The following IGSF1 variants were observed in gnomAD, a reference collection of about 807,000 sequenced individuals.
The protein encoded by IGSF1 is immunoglobulin-like domain-containing protein 1.
Under a neutral mutation model 95.3 loss-of-function variants are expected in IGSF1, and 40 were observed. That is an observed-to-expected ratio of 0.42 (90% CI 0.33 to 0.55). The LOEUF (loss-of-function observed/expected upper bound fraction) is 0.55, where lower values mean the gene tolerates loss of function less well. Among genes scored for constraint, IGSF1 ranks in the 20% least tolerant of loss-of-function variants. The pLI is 0.10. For synonymous variants in IGSF1, 372 were observed against 382.9 expected (o/e 0.97, Z 0.33); for missense variants, 906 against 1,025.4 (o/e 0.88, Z 1.59).
Position 131,273,659 on chromosome X carries a change from G to A in IGSF1, c.*137C>T, listed in dbSNP as rs1461643764. 4.9e-6 allele frequency: 3 copies of A among 613,629 alleles called. No homozygotes were observed. Among genetic ancestry groups the A allele is most frequent in the Non-Finnish European group, 7.6e-6 (3 of 392,375 alleles). The allele number at this position is 613,629 out of a possible 1,213,427, so 50.6% of individuals were successfully genotyped here. A position where few individuals can be genotyped will look rare whatever the true frequency, so the allele number is the denominator to read the frequency against. On this transcript the variant is annotated 3_prime_UTR_variant, in exon 20 of 20. Transcript: ENST00000361420. ...ACCCTGGCAGAGCTCTCAACTCCCA[G>A]AATCCCCTTTACCCAGCTCAGGTGA...
intron 12 of IGSF1, 26 bp from the exon 13 acceptor site, chrX:131,278,160 G>A (rs1569402905): frequency 8.4e-7 from 1 of 1,187,972 alleles, no homozygotes; most frequent in African/African-American, 1.8e-5. Flanking sequence ...GGGTGAAAAA[G>A]GAGTCAGAAG....
Position 131,281,941 on chromosome X carries a change from T to C in IGSF1, c.1250A>G (p.Lys417Arg). 2 of 1,201,690 alleles carry C rather than the reference T, an allele frequency of 1.7e-6. No individual in the cohort carries two copies. The highest frequency in any genetic ancestry group is 2.2e-6 in the Non-Finnish European group (2 of 889,026). The change falls in exon 8 of 20, where the codon AAG (lysine) becomes AGG (arginine). Residue 417 changes from lysine to arginine, a missense_variant. Transcript: ENST00000361420. ...HNTVELMVVDKPPKPSLSAWP... is the reference protein window; with the variant it reads ...HNTVELMVVDRPPKPSLSAWP... ...AGCTGACAGGGAGGGTTTGGGGGGC[T>C]TATCTGAAACCAATCCAGAGACCAG...
rs1294812060 is a variant in IGSF1 at position 131,278,578 on chromosome X, G to A, written c.1924C>T (p.Arg642Trp). Residue 642 changes from arginine (R) to tryptophan (W), a missense_variant, in exon 12 of 20, where the codon CGG becomes TGG. Arg to Trp is a moderately radical substitution (Grantham distance 101, BLOSUM62 -3). Transcript: ENST00000361420. ...AGGGCGCCAAGGGGGAAGGCAGCCC[G>A]GACCTGCTCTGAGGCCGGGCGAGTG... Reference protein sequence around the residue: ...IATRPASEQVRAAFPLGALTQ... With the variant: ...IATRPASEQVWAAFPLGALTQ... The A allele has an allele frequency of 1.8e-5, 22 of 1,209,609 alleles. No individual in the cohort carries two copies. In the South Asian group the frequency reaches 3.2e-4, roughly 17 times the overall value.
chrX:131,287,414 C>G (rs1210828182), intron 1 of IGSF1, among the ~76,000 whole-genome samples: 1 of 110,492 alleles, frequency 9.1e-6, no homozygotes, highest in African/African-American at 3.3e-5. Context: ...CCTCTTCACC[C>G]TCCCTTACCC....
At position 131,279,352 on chromosome X, in the gene IGSF1, CAGAAA is replaced by C. The variant is rs1200424325; in HGVS notation, c.1647-16_1647-12del. Reference sequence around the variant, plus strand: ...AGCAACCAGGCTTCTCTAGTGAGACCAGAAAAGAGATGAGAGGAGTTGCTGGGATG... The same window carrying C: ...AGCAACCAGGCTTCTCTAGTGAGACCAGAGATGAGAGGAGTTGCTGGGATG... On this transcript the variant is annotated splice_polypyrimidine_tract_variant and intron_variant, in intron 9 of 19. Coordinates refer to ENST00000361420, the MANE Select transcript of IGSF1 (RefSeq NM_001555.5). 1.7e-6 allele frequency: 2 copies of C among 1,198,411 alleles called. No individual in the cohort carries two copies.
rs773168536 is a variant in IGSF1 at position 131,283,040 on chromosome X, A to G, written c.892T>C (p.Tyr298His). ...GAACCTCTATATGATGCGTCATAGT[A>G]AAAACAGAGGTAATGTCCAGTATCT... The part of the protein sequence containing the change: ...IQDTGHYLCF[Y>H]YDASYRGSLL... The change falls in exon 6 of 20, where the codon TAC becomes CAC. Residue 298 changes from tyrosine to histidine, a missense_variant. This residue lies in a region of IGSF1 where 442 missense variants were observed against 448.1 expected (regional missense o/e 0.99). Coordinates refer to ENST00000361420, the MANE Select transcript of IGSF1 (RefSeq NM_001555.5). 1 of 1,205,002 alleles carries G rather than the reference A, an allele frequency of 8.3e-7. No homozygotes were observed. The highest frequency in any genetic ancestry group is 1.7e-5 in the African/African-American group (1 of 57,314).
At chrX:131,282,279 T>A (rs970804205) in intron 7 of IGSF1, among the ~76,000 whole-genome samples, 165 bp downstream of exon 7, 2 of 108,253 alleles carry the variant, frequency 1.8e-5, no homozygotes, top group African/African-American at 6.8e-5. Context: ...CCTAAAGTTT[T>A]GGAAGAAAGT....
At chrX:131,275,936 A>C in intron 15 of IGSF1, 25 bp downstream of exon 15, 1 of 1,200,799 alleles carries the variant, frequency 8.3e-7, no homozygotes, top group African/African-American at 1.7e-5. Flanking sequence ...TCTCCATCCC[A>C]GTCCCATGTC....
intron 18 of IGSF1, 93 bp downstream of exon 18, chrX:131,274,506 C>T: frequency 1.0e-6 from 1 of 963,351 alleles, no homozygotes; most frequent in Non-Finnish European, 1.4e-6. Flanking sequence ...CTCCAAAGCT[C>T]CTCCATTCTC....
intron 18 of IGSF1, 30 bp from the exon 19 acceptor site, chrX:131,274,236 C>T (rs754958902): frequency 1.2e-4 from 139 of 1,206,890 alleles, no homozygotes; most frequent in Middle Eastern, 4.6e-4. Context: ...GAAACCGAGG[C>T]CATGGAGATT....
In IGSF1 at chrX:131,281,705, A is replaced by C. The variant is rs1438315337; in HGVS notation, c.1486T>G (p.Ser496Ala). The change falls in exon 8 of 20, where the codon TCA (serine) becomes GCA (alanine). Residue 496 changes from serine to alanine, a missense_variant. This residue lies in a region of IGSF1 where 442 missense variants were observed against 448.1 expected (regional missense o/e 0.99). Coordinates refer to ENST00000361420, the MANE Select transcript of IGSF1 (RefSeq NM_001555.5). Reference sequence around the variant, plus strand: ...AGCTTCAGGGGCTCACTGCGATGTGACCAGATGTTAGGATGTGTCTCTACG... The same window carrying C: ...AGCTTCAGGGGCTCACTGCGATGTGCCCAGATGTTAGGATGTGTCTCTACG... ...YRVETHPNIWSHRSEPLKLMG... is the reference protein window; with the variant it reads ...YRVETHPNIWAHRSEPLKLMG... 8.3e-7 allele frequency: 1 copy of C among 1,209,025 alleles called. No homozygotes were observed. The highest frequency in any genetic ancestry group is 1.1e-6 in the Non-Finnish European group (1 of 894,768).
intron 11 of IGSF1, 43 bp downstream of exon 11, chrX:131,279,100 T>C: frequency 8.8e-7 from 1 of 1,140,655 alleles, no homozygotes; most frequent in Non-Finnish European, 1.2e-6. Flanking sequence ...TTATTTCGGA[T>C]CTCCAGGGAG....
Position 131,276,989 on chromosome X carries a change from T to C in IGSF1, c.2558A>G (p.Asp853Gly), listed in dbSNP as rs755298160. 8.3e-6 allele frequency: 10 copies of C among 1,209,146 alleles called. No homozygotes were observed. The highest frequency in any genetic ancestry group is 2.3e-4 in the Middle Eastern group (1 of 4,371). Reference protein sequence around the residue: ...DGGNYSCRYYDFSIWSEPSDP... With the variant: ...DGGNYSCRYYGFSIWSEPSDP... ...GCTGGGCTCAGACCAGATAGAAAAG[T>C]CATAATATCGGCAGCTGTAATTCCC... The change falls in exon 14 of 20, where the codon GAC becomes GGC. Residue 853 changes from aspartate (D) to glycine (G), a missense_variant. Physicochemically the swap from Asp to Gly is moderately conservative, Grantham distance 94. Transcript: ENST00000361420.
At chrX:131,281,053 C>T (rs145923866) in intron 9 of IGSF1, 165 bp downstream of exon 9, 208 of 524,970 alleles carry the variant, frequency 4.0e-4, no homozygotes, top group Non-Finnish European at 5.5e-4. Flanking sequence ...GTGCTGACCC[C>T]TCTGTGAGGC....
intron 12 of IGSF1, 130 bp from the exon 13 acceptor site, chrX:131,278,264 C>A: frequency 1.3e-6 from 1 of 741,725 alleles, no homozygotes; most frequent in Non-Finnish European, 2.0e-6. Context: ...AGTCAGTCTC[C>A]TCACACTCTC....
chrX:131,279,324 C>T lies in IGSF1; in HGVS notation c.1664G>A (p.Gly555Glu). ...GAGCATGGTGACCCCTTGAGCTGTTCCCAGCAACCAGGCTTCTCTAGTGAG... is the reference window on the plus strand; with the variant it reads ...GAGCATGGTGACCCCTTGAGCTGTTTCCAGCAACCAGGCTTCTCTAGTGAG... ...RLRIREAWLL[G>E]TAQGVTMLFI... The change falls in exon 10 of 20, where the codon GGA (glycine) becomes GAA (glutamate). Residue 555 changes from glycine (G) to glutamate (E), a missense_variant. Gly to Glu is a moderately conservative substitution (Grantham distance 98, BLOSUM62 -2). Transcript: ENST00000361420. The T allele has an allele frequency of 8.3e-7, 1 of 1,209,804 alleles. No individual in the cohort carries two copies. Among genetic ancestry groups the T allele is most frequent in the Admixed American group, 2.2e-5 (1 of 46,062 alleles).
intron 7 of IGSF1, 96 bp downstream of exon 7, chrX:131,282,348 C>T: frequency 1.5e-6 from 1 of 664,523 alleles, no homozygotes; most frequent in South Asian, 2.7e-5. Flanking sequence ...TTGCTCATAG[C>T]TCTCAGAGGA....
At chrX:131,287,786 C>A (rs898893622) in intron 1 of IGSF1, among the ~76,000 whole-genome samples, 1 of 111,341 alleles carries the variant, frequency 9.0e-6, no homozygotes, top group Admixed American at 9.5e-5. Context: ...TCCACCTCCC[C>A]CCACAGTAAC....
chrX:131,279,028 T>A (rs1026070764), intron 11 of IGSF1, 115 bp downstream of exon 11: 111 of 846,735 alleles, frequency 1.3e-4, no homozygotes, highest in Non-Finnish European at 1.8e-4. Flanking sequence ...CAAGTGCCCC[T>A]TCCTGGCTGC....
Sources: allele counts gnomAD v4.1 joint callset (sites outside exome capture counted in the v4.1 genomes callset), GRCh38; gene constraint gnomAD v4.1.1; regional missense constraint gnomAD v4.1.1; transcripts MANE v1.5; gene names NCBI Gene and HGNC (gene_info 2026-07-23, HGNC 2026-07-21).